The following FAM72A variants were observed in gnomAD, a reference collection of about 807,000 sequenced individuals.
FAM72A encodes protein FAM72A.
Under a neutral mutation model 11.3 loss-of-function variants are expected in FAM72A, and 1 was observed. The observed-to-expected ratio is 0.09, with a 90% CI of 0.03 to 0.42. The LOEUF (loss-of-function observed/expected upper bound fraction) is 0.42. Ranked by LOEUF, FAM72A falls within the 10% of genes least tolerant of loss-of-function variation. FAM72A has a pLI of 0.98. For missense variants in FAM72A, 15 were observed against 135.5 expected, an observed-to-expected ratio of 0.11 and a Z score of 4.41; for synonymous variants, 5 against 46.9, an observed-to-expected ratio of 0.11 and a Z score of 3.65.
At chr1:206,197,018 T>C (rs1333931883) in intron 2 of FAM72A, among the ~76,000 whole-genome samples, 3 of 148,486 alleles carry the variant, frequency 2.0e-5, no homozygotes, top group Non-Finnish European at 4.4e-5. Flanking sequence ...AAATATGTCT[T>C]CTAATTATAA....
At chr1:206,198,907 T>TAAA (rs544163968) in intron 2 of FAM72A, among the ~76,000 whole-genome samples, 81 of 63,646 alleles carry the variant, frequency 1.3e-3, no homozygotes, top group Non-Finnish European at 1.8e-3. Context: ...CTGTCTCTAC[T>TAAA]AAAAAAAAAA....
At position 206,187,632 on chromosome 1, in the gene FAM72A, A is replaced by C. The variant is rs1272118567; in HGVS notation, c.356-259T>G. ...CCTGGTAGGATCACGGTTCACAATC[A>C]CAGATCACTGCAGCCTGAACCTCCA... On this transcript the variant is annotated intron_variant, in intron 3 of 3. Coordinates refer to ENST00000367128, the MANE Select transcript of FAM72A (RefSeq NM_001123168.3). Among the ~76,000 whole-genome samples the C allele has an allele frequency of 2.2e-4, 33 of 152,274 alleles. No individual in the cohort carries two copies. In the East Asian group the frequency reaches 2.9e-3, roughly 13 times the overall value.
chr1:206,187,447 A>G (rs1479060964), intron 3 of FAM72A, 74 bp from the exon 4 acceptor site: 6 of 1,504,980 alleles, frequency 4.0e-6, no homozygotes, highest in Non-Finnish European at 5.5e-6. Context: ...ACGAAACTTT[A>G]TATGTTAATA....
chr1:206,194,397 T>G (rs1664969323), intron 3 of FAM72A, among the ~76,000 whole-genome samples: 2 of 152,114 alleles, frequency 1.3e-5, no homozygotes, highest in African/African-American at 4.8e-5. Flanking sequence ...TTTAGAATAT[T>G]ACATAAACAT....
At chr1:206,191,527 G>A (rs1434444530) in intron 3 of FAM72A, among the ~76,000 whole-genome samples, 48 of 150,858 alleles carry the variant, frequency 3.2e-4, no homozygotes, top group East Asian at 2.0e-4. Flanking sequence ...CATGAGAATC[G>A]CTTGAACCTG....
chr1:206,187,183 A>G lies in FAM72A; in HGVS notation c.*96T>C. On this transcript the variant is annotated 3_prime_UTR_variant, in exon 4 of 4. Coordinates refer to ENST00000367128, the MANE Select transcript of FAM72A (RefSeq NM_001123168.3). ...AACAAATGCCCCATTTTTGTTTTCC[A>G]AAAAAGATCACTGGCAACTAACAAT... The G allele has an allele frequency of 2.4e-6, 3 of 1,245,810 alleles. No individual in the cohort carries two copies. The highest frequency in any genetic ancestry group is 3.2e-6 in the Non-Finnish European group (3 of 934,174). The allele number at this position is 1,245,810 out of a possible 1,614,324, so 77.2% of individuals were successfully genotyped here.
At chr1:206,191,686 T>G (rs1443190358) in intron 3 of FAM72A, among the ~76,000 whole-genome samples, 1 of 148,102 alleles carries the variant, frequency 6.8e-6, no homozygotes, top group Non-Finnish European at 1.5e-5. Flanking sequence ...TTTTTTTTTT[T>G]TAAAAGAATT....
chr1:206,188,183 AG>A (rs1263779239), intron 3 of FAM72A, among the ~76,000 whole-genome samples: 1 of 67,788 alleles, frequency 1.5e-5, no homozygotes, highest in Admixed American at 1.8e-4. Flanking sequence ...AAAAAAAGCA[AG>A]GGTTCGGAGC....
At chr1:206,196,780 G>A (rs1665080938) in intron 2 of FAM72A, among the ~76,000 whole-genome samples, 1 of 151,354 alleles carries the variant, frequency 6.6e-6, no homozygotes, top group Non-Finnish European at 1.5e-5. Flanking sequence ...AAGTACCTCA[G>A]TCTTTCACAA....
chr1:206,203,800 C>G (rs782037569), upstream of FAM72A: 8 of 1,532,586 alleles, frequency 5.2e-6, no homozygotes, highest in South Asian at 4.8e-5. Context: ...CTCAGACCGC[C>G]CCCCCTCCAC....
At chr1:206,203,561 G>A, upstream of FAM72A, 1 of 579,604 alleles carries the variant, frequency 1.7e-6, no homozygotes, top group Non-Finnish European at 3.1e-6. Context: ...GCACCGATCT[G>A]CGTAGAAACG....
chr1:206,198,246 C>T (rs1665173015), intron 2 of FAM72A, among the ~76,000 whole-genome samples: 1 of 148,144 alleles, frequency 6.8e-6, no homozygotes, highest in Non-Finnish European at 1.5e-5. Flanking sequence ...TGCCTGTAGT[C>T]TCAGCTACTC....
chr1:206,199,768 TCC>T, intron 2 of FAM72A, 37 bp downstream of exon 2: 1 of 553,940 alleles, frequency 1.8e-6, no homozygotes, highest in Non-Finnish European at 3.2e-6. Flanking sequence ...ATATCCATCT[TCC>T]AAACCCAGAG....
At chr1:206,191,828 A>AG (rs1291783097) in intron 3 of FAM72A, among the ~76,000 whole-genome samples, 7 of 150,214 alleles carry the variant, frequency 4.7e-5, no homozygotes, top group Admixed American at 1.3e-4. Flanking sequence ...CCCAGGTTCA[A>AG]GGGGGGTTTC....
At position 206,187,157 on chromosome 1, in the gene FAM72A, C is replaced by G. The variant is rs1553296949; in HGVS notation, c.*122G>C. ...AATTAGAGACGGAAAATAAATAAAT[C>G]AACAAATGCCCCATTTTTGTTTTCC... On this transcript the variant is annotated 3_prime_UTR_variant, in exon 4 of 4. Transcript: ENST00000367128. The G allele has an allele frequency of 1.8e-6, 2 of 1,093,544 alleles. No homozygotes were observed. 67.7% of individuals were successfully genotyped at this position (1,093,544 alleles called of 1,614,324 possible). A position where few individuals can be genotyped will look rare whatever the true frequency, so the allele number is the denominator to read the frequency against.
chr1:206,192,929 T>G (rs1159826093), intron 3 of FAM72A, among the ~76,000 whole-genome samples: 17 of 151,892 alleles, frequency 1.1e-4, no homozygotes, highest in African/African-American at 3.9e-4. Context: ...TTTTTTTTTT[T>G]TGAGATGGAG....
At chr1:206,191,724 A>T (rs77571681) in intron 3 of FAM72A, among the ~76,000 whole-genome samples, 53,316 of 105,500 alleles carry the variant, frequency 0.51, 13,058 homozygotes, top group East Asian at 0.65. Flanking sequence ...CTAAAATATT[A>T]TTTTTTTTTT....
intron 2 of FAM72A, among the ~76,000 whole-genome samples, chr1:206,196,758 C>A (rs1275088499): frequency 6.7e-6 from 1 of 150,048 alleles, no homozygotes; most frequent in Non-Finnish European, 1.5e-5. Context: ...TCAGAATTAT[C>A]CAGCTGATTA....
chr1:206,196,463 C>T (rs1665060555), intron 2 of FAM72A, among the ~76,000 whole-genome samples: 2 of 74,190 alleles, frequency 2.7e-5, no homozygotes, highest in Non-Finnish European at 5.2e-5. Flanking sequence ...TTATAAACCA[C>T]CCAAATTGAT....
Sources: gnomAD v4.1 joint callset for allele counts (sites outside exome capture counted in the v4.1 genomes callset) on GRCh38, gnomAD v4.1.1 for gene constraint, MANE v1.5 for transcripts, NCBI Gene and HGNC (gene_info 2026-07-23, HGNC 2026-07-21) for gene names.